Variants in NEDD8 observed in about 807,000 individuals in gnomAD.
NEDD8 encodes NEDD8 ubiquitin like modifier.
In NEDD8, 1 loss-of-function variant was observed where a neutral mutation model predicts 13.8. The observed-to-expected ratio is 0.07, with a 90% confidence interval of 0.03 to 0.34. NEDD8 has a LOEUF of 0.34. Ranked by LOEUF, NEDD8 falls within the 10% of genes least tolerant of loss-of-function variation. The pLI is 0.99. For synonymous variants in NEDD8, 31 were observed against 33.2 expected, an observed-to-expected ratio of 0.93 and a Z score of 0.23; for missense variants, 10 against 95.2, an observed-to-expected ratio of 0.10 and a Z score of 3.73.
intron 1 of NEDD8, chr14:24,218,833 G>C (rs1203218102): frequency 7.7e-5 from 18 of 233,252 alleles, no homozygotes. Context: ...TGCAACTTCT[G>C]CCTCCCAGGT....
chr14:24,229,804 G>A (rs557321658), intron 1 of NEDD8, among the ~76,000 whole-genome samples: 6 of 152,126 alleles, frequency 3.9e-5, no homozygotes, highest in Admixed American at 2.6e-4. Flanking sequence ...GGCCGGGCGC[G>A]GTGGCTCATG....
intron 1 of NEDD8, among the ~76,000 whole-genome samples, chr14:24,219,510 A>G (rs1382667546): frequency 5.7e-4 from 87 of 151,426 alleles, no homozygotes; most frequent in African/African-American, 2.0e-3. Context: ...AAGAAAGTAA[A>G]AGAAAAAAGA....
intron 1 of NEDD8, among the ~76,000 whole-genome samples, chr14:24,229,863 G>C (rs1315862428): frequency 1.3e-5 from 2 of 152,142 alleles, no homozygotes; most frequent in Non-Finnish European, 2.9e-5. Context: ...ACTAGGTCAA[G>C]AGATCGATAC....
intron 1 of NEDD8, among the ~76,000 whole-genome samples, chr14:24,231,070 T>C (rs2039999587): frequency 1.3e-5 from 2 of 152,130 alleles, no homozygotes; most frequent in Admixed American, 6.5e-5. Flanking sequence ...TTTGAATTTA[T>C]TGTACAGGCA....
intron 1 of NEDD8, among the ~76,000 whole-genome samples, chr14:24,226,196 T>C (rs10150403): frequency 0.018 from 2,660 of 151,596 alleles, 76 homozygotes; most frequent in African/African-American, 0.058. Flanking sequence ...TAAGGCTGTA[T>C]ACAAGGAAGT....
At chr14:24,230,071 A>T (rs113364148) in intron 1 of NEDD8, among the ~76,000 whole-genome samples, 23 of 152,022 alleles carry the variant, frequency 1.5e-4, no homozygotes, top group African/African-American at 5.3e-4. Flanking sequence ...TCCGTCTCAA[A>T]TAAAAATATT....
chr14:24,218,470 A>G lies in NEDD8; in HGVS notation c.19-39T>C, dbSNP rs777912459. 6 of 1,614,204 alleles carry G rather than the reference A, an allele frequency of 3.7e-6. No homozygotes were observed. The East Asian group carries it at 8.9e-5, about 24-fold the overall frequency. ...TGGTTTCATGAGTCCTTAAAGCCCA[A>G]TGTACAATTTGTCTTCTAGGTAAAA... On this transcript the variant is annotated intron_variant, in intron 1 of 3. Transcript: ENST00000250495.
intron 1 of NEDD8, among the ~76,000 whole-genome samples, chr14:24,231,374 A>G (rs2040013494): frequency 6.6e-6 from 1 of 150,936 alleles, no homozygotes; most frequent in African/African-American, 2.4e-5. Flanking sequence ...AAGAATGACT[A>G]TTATGTACGG....
intron 1 of NEDD8, among the ~76,000 whole-genome samples, chr14:24,219,044 C>A (rs962736526): frequency 3.3e-5 from 5 of 151,992 alleles, no homozygotes; most frequent in African/African-American, 1.2e-4. Flanking sequence ...CTGCACCCAG[C>A]CTGAAAGATA....
intron 1 of NEDD8, among the ~76,000 whole-genome samples, chr14:24,220,987 T>A (rs893669871): frequency 5.9e-5 from 9 of 152,236 alleles, no homozygotes; most frequent in African/African-American, 1.7e-4. Flanking sequence ...AATGATTTAG[T>A]ACTAGTATGT....
intron 1 of NEDD8, 38 bp downstream of exon 1, chr14:24,232,212 G>A (rs2040055189): frequency 1.2e-6 from 2 of 1,613,940 alleles, no homozygotes; most frequent in Non-Finnish European, 1.7e-6. Flanking sequence ...TGCCAGCCCA[G>A]TACTACTGCG....
intron 1 of NEDD8, among the ~76,000 whole-genome samples, chr14:24,225,491 A>G (rs2039877405): frequency 1.3e-5 from 2 of 152,348 alleles, no homozygotes; most frequent in African/African-American, 4.8e-5. Context: ...TAGGAATAAC[A>G]TATGCTATGC....
chr14:24,216,857 T>A lies in NEDD8; in HGVS notation c.*270A>T. The A allele has an allele frequency of 2.5e-6, 1 of 407,626 alleles. No individual in the cohort carries two copies. The highest frequency in any genetic ancestry group is 4.6e-5 in the South Asian group (1 of 21,742). The allele number at this position is 407,626 out of a possible 1,614,324, so 25.3% of individuals were successfully genotyped here. On this transcript the variant is annotated 3_prime_UTR_variant, in exon 4 of 4. Transcript: ENST00000250495. Reference sequence around the variant, plus strand: ...GTCAACTTGTGCAACAGAAGAAAGATTCCAGGAGGCCAGGAAATATTTTAT... The same window carrying A: ...GTCAACTTGTGCAACAGAAGAAAGAATCCAGGAGGCCAGGAAATATTTTAT...
At chr14:24,226,482 TCAA>T (rs1266872705) in intron 1 of NEDD8, 1 of 147,226 alleles carries the variant, frequency 6.8e-6, no homozygotes, top group Non-Finnish European at 1.5e-5. Context: ...TAAAAACAAA[TCAA>T]AACAAAACAA....
intron 1 of NEDD8, chr14:24,228,596 G>A (rs2039935832): frequency 6.6e-6 from 1 of 151,474 alleles, no homozygotes; most frequent in Non-Finnish European, 1.5e-5. Context: ...GCACACGCCT[G>A]TAGTCCCAGC....
rs769952548 is a variant in NEDD8 at position 24,218,240 on chromosome 14, G to A, written c.67-25C>T. 7 of 1,614,036 alleles carry A rather than the reference G, an allele frequency of 4.3e-6. No homozygotes were observed. The East Asian group carries it at 1.6e-4, about 36-fold the overall frequency. On this transcript the variant is annotated intron_variant, in intron 2 of 3. Transcript: ENST00000250495. ...CCTTTAGAGAGACAAGTAGTCAGGG[G>A]CTGCTGCTTAGGGGTAGGACCATGG...
At chr14:24,229,769 GA>G (rs772232080) in intron 1 of NEDD8, among the ~76,000 whole-genome samples, 32 of 152,268 alleles carry the variant, frequency 2.1e-4, no homozygotes, top group Non-Finnish European at 3.5e-4. Flanking sequence ...CATATGCATT[GA>G]AAAGCCAACA....
intron 1 of NEDD8, among the ~76,000 whole-genome samples, chr14:24,230,330 C>A (rs1424104644): frequency 2.1e-5 from 3 of 146,030 alleles, no homozygotes; most frequent in African/African-American, 7.6e-5. Flanking sequence ...GTCAGGAGAT[C>A]GAGACCATCC....
Position 24,232,243 on chromosome 14 carries a change from C to T in NEDD8, c.18+7G>A. 1 of 1,614,156 alleles carries T rather than the reference C, an allele frequency of 6.2e-7. No homozygotes were observed. On this transcript the variant is annotated splice_region_variant and intron_variant, in intron 1 of 3. Coordinates refer to ENST00000250495, the MANE Select transcript of NEDD8 (RefSeq NM_006156.3). Reference sequence around the variant, plus strand: ...CTGCGTCTTGGCAAGGCTGGAGGTGCTCCCACCTTCACTTTAATTAGCATC... The same window carrying T: ...CTGCGTCTTGGCAAGGCTGGAGGTGTTCCCACCTTCACTTTAATTAGCATC...
Sources: allele counts gnomAD v4.1 joint callset (sites outside exome capture counted in the v4.1 genomes callset), GRCh38; gene constraint gnomAD v4.1.1; transcripts MANE v1.5; gene names NCBI Gene and HGNC (gene_info 2026-07-23, HGNC 2026-07-21).